Variants in CCDC192 observed in about 807,000 individuals in gnomAD.
The protein encoded by CCDC192 is coiled-coil domain-containing protein 192.
intron 5 of CCDC192, among the ~76,000 whole-genome samples, chr5:127,852,280 A>T (rs1750832286): frequency 6.6e-6 from 1 of 152,170 alleles, no homozygotes; most frequent in African/African-American, 2.4e-5. Flanking sequence ...ACATTTTCAC[A>T]ATTATTTTCT....
intron 6 of CCDC192, among the ~76,000 whole-genome samples, chr5:127,930,211 A>G (rs965951624): frequency 7.3e-5 from 2 of 27,560 alleles, no homozygotes; most frequent in Non-Finnish European, 1.7e-4. Context: ...CTCAAATTAA[A>G]CTAAACTAAA....
At chr5:127,833,244 T>G (rs1370149162) in intron 5 of CCDC192, among the ~76,000 whole-genome samples, 2 of 152,194 alleles carry the variant, frequency 1.3e-5, no homozygotes, top group East Asian at 3.8e-4. Flanking sequence ...ATACCTCTAC[T>G]CTATCATTTT....
chr5:127,824,602 G>GC (rs1749438582), intron 5 of CCDC192, among the ~76,000 whole-genome samples: 3 of 152,166 alleles, frequency 2.0e-5, no homozygotes, highest in African/African-American at 7.2e-5. Flanking sequence ...CAAGGATAGA[G>GC]ATACAGCTGG....
chr5:127,795,154 G>A (rs529810323), intron 3 of CCDC192, among the ~76,000 whole-genome samples: 29 of 152,168 alleles, frequency 1.9e-4, no homozygotes, highest in Middle Eastern at 6.8e-3. Flanking sequence ...GCCAGGCGTG[G>A]TGGTGTGAGC....
At chr5:127,822,880 G>A (rs1461019022) in intron 5 of CCDC192, among the ~76,000 whole-genome samples, 1 of 152,200 alleles carries the variant, frequency 6.6e-6, no homozygotes, top group Non-Finnish European at 1.5e-5. Context: ...CCCAGTGAGT[G>A]ACACCTAGCT....
chr5:127,869,639 C>G lies in CCDC192; in HGVS notation c.412-5899C>G, dbSNP rs79108972. ...ACAGGCATCCTGGAAAGCAGAACATCTATTGTCAAATGCCACTTCTGTATC... is the reference window on the plus strand; with the variant it reads ...ACAGGCATCCTGGAAAGCAGAACATGTATTGTCAAATGCCACTTCTGTATC... On this transcript the variant is annotated intron_variant, in intron 5 of 6. Coordinates refer to ENST00000514853, the MANE Select transcript of CCDC192 (RefSeq NM_001317938.2). 9.8e-5 allele frequency among the ~76,000 whole-genome samples: 15 copies of G among 152,286 alleles called. No homozygotes were observed. The East Asian group carries it at 2.9e-3, about 29-fold the overall frequency.
At chr5:127,786,483 C>A in intron 3 of CCDC192, 1 of 629,762 alleles carries the variant, frequency 1.6e-6, no homozygotes, top group East Asian at 2.6e-5. Flanking sequence ...TCACCATTTC[C>A]TTCCTTTTTG....
intron 5 of CCDC192, among the ~76,000 whole-genome samples, chr5:127,829,728 T>A (rs1389541501): frequency 6.6e-6 from 1 of 152,204 alleles, no homozygotes; most frequent in Non-Finnish European, 1.5e-5. Flanking sequence ...GTTTACTAAT[T>A]TCCAGAATTA....
chr5:127,905,733 A>C (rs1753176054), intron 6 of CCDC192, among the ~76,000 whole-genome samples: 1 of 152,246 alleles, frequency 6.6e-6, no homozygotes, highest in Non-Finnish European at 1.5e-5. Context: ...AGCCAAAAGC[A>C]TAGTCTATTT....
intron 6 of CCDC192, among the ~76,000 whole-genome samples, chr5:127,929,043 G>T (rs970855585): frequency 1.3e-5 from 2 of 152,108 alleles, no homozygotes; most frequent in African/African-American, 2.4e-5. Flanking sequence ...GGGATTACAG[G>T]CATGAGCCAC....
intron 5 of CCDC192, among the ~76,000 whole-genome samples, chr5:127,851,360 A>G (rs1223023729): frequency 6.6e-6 from 1 of 152,156 alleles, no homozygotes; most frequent in Non-Finnish European, 1.5e-5. Context: ...CTCTCCCACT[A>G]TCTCAGGAAT....
chr5:127,900,180 C>A (rs535927744), intron 6 of CCDC192, among the ~76,000 whole-genome samples: 3 of 152,054 alleles, frequency 2.0e-5, no homozygotes, highest in Non-Finnish European at 2.9e-5. Context: ...GCCTTAAGAC[C>A]GGAATAGCGT....
At chr5:127,868,911 AG>A (rs1751728389) in intron 5 of CCDC192, among the ~76,000 whole-genome samples, 1 of 152,224 alleles carries the variant, frequency 6.6e-6, no homozygotes, top group African/African-American at 2.4e-5. Context: ...TAGACCGCAG[AG>A]ATTTAAATTG....
At chr5:127,900,195 A>G (rs1278680918) in intron 6 of CCDC192, among the ~76,000 whole-genome samples, 1 of 152,130 alleles carries the variant, frequency 6.6e-6, no homozygotes. Flanking sequence ...TAGCGTTACA[A>G]AATTTTGTTG....
At chr5:127,918,588 C>G (rs965333677) in intron 6 of CCDC192, among the ~76,000 whole-genome samples, 1 of 152,210 alleles carries the variant, frequency 6.6e-6, no homozygotes, top group South Asian at 2.1e-4. Context: ...TTCAAACATG[C>G]TAATTTGCAT....
intron 2 of CCDC192, among the ~76,000 whole-genome samples, chr5:127,710,126 T>G (rs984894309): frequency 2.0e-5 from 3 of 152,118 alleles, no homozygotes; most frequent in African/African-American, 7.2e-5. Flanking sequence ...GTGCTTCGGT[T>G]TCTGATTTTT....
chr5:127,707,246 G>A (rs964388377), intron 1 of CCDC192, among the ~76,000 whole-genome samples: 2 of 152,046 alleles, frequency 1.3e-5, no homozygotes. Flanking sequence ...AAACTAAAAC[G>A]GTAAGAAGGC....
chr5:127,813,307 T>C (rs1340773633), intron 5 of CCDC192, among the ~76,000 whole-genome samples: 2 of 152,174 alleles, frequency 1.3e-5, no homozygotes, highest in Admixed American at 1.3e-4. Flanking sequence ...CTCAAGGAAA[T>C]TGAATGAAAA....
intron 3 of CCDC192, among the ~76,000 whole-genome samples, chr5:127,765,498 T>G (rs1009661002): frequency 2.0e-5 from 3 of 152,226 alleles, no homozygotes; most frequent in African/African-American, 7.2e-5. Context: ...TCAGTAGATA[T>G]AGCCCACATT....
Sources: gnomAD v4.1 joint callset for allele counts (sites outside exome capture counted in the v4.1 genomes callset) on GRCh38, gnomAD v4.1.1 for gene constraint, MANE v1.5 for transcripts, NCBI Gene and HGNC (gene_info 2026-07-23, HGNC 2026-07-21) for gene names.